The following PALLD variants were observed in gnomAD, a reference collection of about 807,000 sequenced individuals.
The protein encoded by PALLD is palladin, cytoskeletal associated protein.
A neutral mutation model predicts 123.5 loss-of-function variants in PALLD; 61 were observed. The ratio of observed to expected loss-of-function variants is 0.49; its 90% CI spans 0.40 to 0.61. PALLD has a LOEUF of 0.61. PALLD is among the 20% of genes least tolerant of loss of function. The probability of loss-of-function intolerance (pLI) is 0.00; values close to 1 mark genes in which losing one functional copy is unlikely to be tolerated. For missense variants in PALLD, 1,273 were observed against 1,377.0 expected (o/e 0.92, Z 1.20); for synonymous variants, 465 against 496.4 (o/e 0.94, Z 0.84).
chr4:168,565,875 C>T (rs957066867), intron 2 of PALLD, among the ~76,000 whole-genome samples: 5 of 152,030 alleles, frequency 3.3e-5, no homozygotes, highest in Non-Finnish European at 7.4e-5. Context: ...ATTTTATAGC[C>T]TTGAGAAAAT....
At chr4:168,873,070 T>C (rs1427482328) in intron 10 of PALLD, among the ~76,000 whole-genome samples, 5 of 152,330 alleles carry the variant, frequency 3.3e-5, no homozygotes, top group African/African-American at 9.6e-5. Flanking sequence ...CTACCTTCAT[T>C]TGAAAATTCT....
intron 6 of PALLD, among the ~76,000 whole-genome samples, chr4:168,687,584 A>T (rs555177606): frequency 6.6e-6 from 1 of 152,322 alleles, no homozygotes; most frequent in Admixed American, 6.5e-5. Flanking sequence ...TGCTGGTGGC[A>T]CAAGGGAAGG....
intron 2 of PALLD, among the ~76,000 whole-genome samples, chr4:168,625,892 T>C (rs1017275334): frequency 3.9e-5 from 6 of 152,024 alleles, no homozygotes; most frequent in African/African-American, 9.7e-5. Flanking sequence ...GAAAGCAGGA[T>C]CTCAAAAAGA....
chr4:168,890,840 C>A, intron 10 of PALLD, 82 bp from the exon 11 acceptor site: 1 of 1,404,972 alleles, frequency 7.1e-7, no homozygotes, highest in Non-Finnish European at 1.0e-6. Context: ...ATACCTTGCA[C>A]TGTCTTTGTT....
intron 10 of PALLD, among the ~76,000 whole-genome samples, chr4:168,731,809 A>G (rs1399509452): frequency 6.6e-6 from 1 of 152,250 alleles, no homozygotes; most frequent in African/African-American, 2.4e-5. Context: ...AATTGCATAT[A>G]TGAACTCTAG....
intron 10 of PALLD, among the ~76,000 whole-genome samples, chr4:168,821,835 G>T (rs535175034): frequency 3.4e-5 from 5 of 147,368 alleles, no homozygotes; most frequent in Non-Finnish European, 7.4e-5. Flanking sequence ...AGCCGACATC[G>T]TGCCATCACA....
At chr4:168,781,654 CA>C in intron 10 of PALLD, among the ~76,000 whole-genome samples, 1 of 152,166 alleles carries the variant, frequency 6.6e-6, no homozygotes, top group Admixed American at 6.5e-5. Context: ...GGCTGTAGGT[CA>C]GAACTCTTAA....
intron 10 of PALLD, among the ~76,000 whole-genome samples, chr4:168,827,470 T>C (rs980603821): frequency 6.6e-6 from 1 of 152,242 alleles, no homozygotes; most frequent in Non-Finnish European, 1.5e-5. Context: ...TTCAAAATAG[T>C]CCAAGATTGT....
chr4:168,531,097 G>GA, intron 2 of PALLD, among the ~76,000 whole-genome samples: 1 of 152,154 alleles, frequency 6.6e-6, no homozygotes, highest in African/African-American at 2.4e-5. Context: ...AAAAGGACTA[G>GA]AAAATAATAA....
intron 10 of PALLD, among the ~76,000 whole-genome samples, chr4:168,853,895 G>A (rs1748183444): frequency 6.6e-6 from 1 of 152,202 alleles, no homozygotes; most frequent in East Asian, 1.9e-4. Flanking sequence ...AGATGAGACG[G>A]ATGGAGACAG....
chr4:168,903,873 T>C lies in PALLD; in HGVS notation c.2589T>C (p.Asp863=). The C allele has an allele frequency of 3.1e-6, 5 of 1,614,078 alleles. No individual in the cohort carries two copies. Among genetic ancestry groups the C allele is most frequent in the Non-Finnish European group, 3.4e-6 (4 of 1,179,938 alleles). Residue 863 remains aspartate (D), a synonymous_variant, in exon 15 of 22, where the codon GAT becomes GAC. Coordinates refer to ENST00000505667, the MANE Select transcript of PALLD (RefSeq NM_001166108.2). ...CCACAGCCTCCACCCTAGATGATGA[T>C]GGGAATTATACAATTATGGCTGCAA... ...LHTTASTLDD[D]GNYTIMAANP...
intron 2 of PALLD, among the ~76,000 whole-genome samples, chr4:168,659,788 A>C (rs1248627024): frequency 6.6e-6 from 1 of 152,250 alleles, no homozygotes; most frequent in African/African-American, 2.4e-5. Context: ...AATACAGTGC[A>C]CAGAGAATTT....
chr4:168,843,335 TTCC>T (rs1440857969), intron 10 of PALLD, among the ~76,000 whole-genome samples: 1 of 148,164 alleles, frequency 6.7e-6, no homozygotes, highest in Non-Finnish European at 1.5e-5. Flanking sequence ...AGCGCTTATC[TTCC>T]TTGTTTAGCT....
chr4:168,694,782 A>G (rs939893354), intron 8 of PALLD, among the ~76,000 whole-genome samples: 7 of 152,244 alleles, frequency 4.6e-5, no homozygotes, highest in African/African-American at 1.7e-4. Context: ...GTCTAGACAG[A>G]AGTCAGCTTG....
intron 10 of PALLD, among the ~76,000 whole-genome samples, chr4:168,819,111 T>G (rs1581631076): frequency 6.6e-6 from 1 of 152,214 alleles, no homozygotes; most frequent in South Asian, 2.1e-4. Context: ...CCAGCAAATA[T>G]AAGTCACAAA....
At chr4:168,599,185 G>A (rs946141520) in intron 2 of PALLD, among the ~76,000 whole-genome samples, 8 of 152,158 alleles carry the variant, frequency 5.3e-5, no homozygotes, top group Non-Finnish European at 1.0e-4. Context: ...ACCAATTGTG[G>A]TTGAAATGTC....
At chr4:168,505,073 G>A (rs992769584) in intron 1 of PALLD, 1 of 152,194 alleles carries the variant, frequency 6.6e-6, no homozygotes, top group Non-Finnish European at 1.5e-5. Context: ...GACTGACATG[G>A]AAATCTCTGA....
chr4:168,758,394 C>T (rs1032862017), intron 10 of PALLD, among the ~76,000 whole-genome samples: 1 of 152,178 alleles, frequency 6.6e-6, no homozygotes, highest in South Asian at 2.1e-4. Context: ...CTCCTGTCTT[C>T]CTTTCAGTGA....
intron 10 of PALLD, among the ~76,000 whole-genome samples, chr4:168,761,683 T>G (rs10030133): frequency 0.34 from 47,075 of 139,796 alleles, 9,069 homozygotes; most frequent in Non-Finnish European, 0.42. Context: ...TTTTGTAGTT[T>G]TTTGTTTTGG....
Sources: gnomAD v4.1 joint callset for allele counts (sites outside exome capture counted in the v4.1 genomes callset) on GRCh38, gnomAD v4.1.1 for gene constraint, MANE v1.5 for transcripts, NCBI Gene and HGNC (gene_info 2026-07-23, HGNC 2026-07-21) for gene names.